The following ADORA2A variants were observed in gnomAD, a reference collection of about 807,000 sequenced individuals.
ADORA2A encodes adenosine receptor A2a.
In ADORA2A, 11 loss-of-function variants were observed where a neutral mutation model predicts 18.4. The observed-to-expected ratio is 0.60, with a 90% CI of 0.38 to 0.99. The LOEUF is 0.99. Among genes scored for constraint, ADORA2A ranks in the 50% least tolerant of loss-of-function variants. The pLI is 0.01. For synonymous variants in ADORA2A, 218 were observed against 237.3 expected (o/e 0.92, Z 0.75); for missense variants, 449 against 556.1 (o/e 0.81, Z 1.94).
At position 24,441,318 on chromosome 22, in the gene ADORA2A, G is replaced by A. The variant is rs1305585014; in HGVS notation, c.1068G>A (p.Arg356=). 1 of 1,606,334 alleles carries A rather than the reference G, an allele frequency of 6.2e-7. No homozygotes were observed. The change falls in exon 3 of 3, where the codon CGG becomes CGA. Residue 356 remains arginine (R), a synonymous_variant. Transcript: ENST00000337539. ...ACGGCAGTGCTCCCCACCCTGAGCG[G>A]AGGCCCAATGGCTATGCCCTGGGGC... The part of the protein sequence containing the change: ...WANGSAPHPE[R]RPNGYALGLV...
At chr22:24,426,222 G>A (rs146017461), upstream of ADORA2A, among the ~76,000 whole-genome samples, 8 of 152,318 alleles carry the variant, frequency 5.3e-5, no homozygotes, top group South Asian at 2.1e-4. Context: ...CCTAATACCC[G>A]AGCCACCTAA....
chr22:24,426,835 G>A (rs988857158), upstream of ADORA2A, among the ~76,000 whole-genome samples: 5 of 152,144 alleles, frequency 3.3e-5, no homozygotes, highest in East Asian at 1.9e-4. Context: ...AGAATCTCTC[G>A]ATACCTCTCT....
At position 24,441,597 on chromosome 22, in the gene ADORA2A, C is replaced by T; in HGVS notation, c.*108C>T. On this transcript the variant is annotated 3_prime_UTR_variant, in exon 3 of 3. Coordinates refer to ENST00000337539, the MANE Select transcript of ADORA2A (RefSeq NM_000675.6). ...AGAGAGTGCCAGGAGACCCTGAGGG[C>T]AGCCGGTTCCTACTTTGGACTGAGA... The T allele has an allele frequency of 1.5e-5, 17 of 1,166,574 alleles. No homozygotes were observed. Among genetic ancestry groups the T allele is most frequent in the Non-Finnish European group, 1.9e-5 (17 of 881,300 alleles). 72.3% of individuals were successfully genotyped at this position (1,166,574 alleles called of 1,614,324 possible). A position where few individuals can be genotyped will look rare whatever the true frequency, so the allele number is the denominator to read the frequency against.
intron 1 of ADORA2A, chr22:24,431,577 G>C (rs538580356): frequency 2.9e-5 from 13 of 440,812 alleles, no homozygotes; most frequent in South Asian, 2.0e-4. Context: ...AAGAGAGAGA[G>C]AGACGAGGTG....
chr22:24,441,178 C>A lies in ADORA2A; in HGVS notation c.928C>A (p.Gln310Lys). ...GATCATTCGCAGCCACGTCCTGAGGCAGCAAGAACCTTTCAAGGCAGCTGG... is the reference window on the plus strand; with the variant it reads ...GATCATTCGCAGCCACGTCCTGAGGAAGCAAGAACCTTTCAAGGCAGCTGG... ...RKIIRSHVLR[Q>K]QEPFKAAGTS... The change falls in exon 3 of 3, where the codon CAG (glutamine) becomes AAG (lysine). Residue 310 changes from glutamine to lysine, a missense_variant. Physicochemically the swap from Gln to Lys is moderately conservative, Grantham distance 53. Coordinates refer to ENST00000337539, the MANE Select transcript of ADORA2A (RefSeq NM_000675.6). 1 of 1,614,206 alleles carries A rather than the reference C, an allele frequency of 6.2e-7. No homozygotes were observed. Among genetic ancestry groups the A allele is most frequent in the Admixed American group, 1.7e-5 (1 of 60,032 alleles).
chr22:24,440,602 G>T lies in ADORA2A; in HGVS notation c.352G>T (p.Gly118Cys). 1 of 1,563,896 alleles carries T rather than the reference G, an allele frequency of 6.4e-7. No individual in the cohort carries two copies. The highest frequency in any genetic ancestry group is 1.8e-5 in the Admixed American group (1 of 55,440). The change falls in exon 3 of 3, where the codon GGC (glycine) becomes TGC (cysteine). Residue 118 changes from glycine to cysteine, a missense_variant. By Grantham distance (159) the Gly-to-Cys change is radical. Coordinates refer to ENST00000337539, the MANE Select transcript of ADORA2A (RefSeq NM_000675.6). ...IPLRYNGLVT[G>C]TRAKGIIAIC... ...CCCCAGGTACAATGGCTTGGTGACC[G>T]GCACGAGGGCTAAGGGCATCATTGC...
At chr22:24,427,963 A>C (rs1379574847) in intron 1 of ADORA2A, among the ~76,000 whole-genome samples, 1 of 152,204 alleles carries the variant, frequency 6.6e-6, no homozygotes, top group Admixed American at 6.5e-5. Flanking sequence ...CACCAGGAGC[A>C]GAGAGCTGCA....
At chr22:24,433,858 C>A in intron 2 of ADORA2A, 122 bp downstream of exon 2, 1 of 1,234,758 alleles carries the variant, frequency 8.1e-7, no homozygotes, top group Non-Finnish European at 1.1e-6. Context: ...GGTGAGCTGG[C>A]GACGGGGCCC....
chr22:24,436,098 T>C (rs2043169587), intron 2 of ADORA2A, among the ~76,000 whole-genome samples: 1 of 152,216 alleles, frequency 6.6e-6, no homozygotes, highest in Admixed American at 6.5e-5. Flanking sequence ...CTGATGTGGA[T>C]GGACTCCAGG....
At position 24,440,911 on chromosome 22, in the gene ADORA2A, G is replaced by A; in HGVS notation, c.661G>A (p.Ala221Thr). 6.2e-7 allele frequency: 1 copy of A among 1,614,154 alleles called. No homozygotes were observed. The highest frequency in any genetic ancestry group is 8.5e-7 in the Non-Finnish European group (1 of 1,180,016). ...MESQPLPGERARSTLQKEVHA... is the reference protein window; with the variant it reads ...MESQPLPGERTRSTLQKEVHA... ...GAGCCAGCCTCTGCCGGGGGAGCGG[G>A]CACGGTCCACACTGCAGAAGGAGGT... is the stretch of plus-strand genomic sequence containing the variant. Residue 221 changes from alanine to threonine, a missense_variant, in exon 3 of 3, where the codon GCA becomes ACA. Physicochemically the swap from Ala to Thr is moderately conservative, Grantham distance 58. Transcript: ENST00000337539.
At position 24,440,621 on chromosome 22, in the gene ADORA2A, TCATTGCCATCTGCTGGGTGC is replaced by T; in HGVS notation, c.372_391del (p.Ile125ValfsTer38). ...GTGACCGGCACGAGGGCTAAGGGCA[TCATTGCCATCTGCTGGGTGC>T]TGTCGTTTGCCATCGGCCTGACTCC... On this transcript the variant is annotated frameshift_variant, in exon 3 of 3. Coordinates refer to ENST00000337539, the MANE Select transcript of ADORA2A (RefSeq NM_000675.6). LOFTEE classifies it high-confidence loss of function. The T allele has an allele frequency of 6.3e-7, 1 of 1,589,768 alleles. No individual in the cohort carries two copies. Among genetic ancestry groups the T allele is most frequent in the East Asian group, 2.2e-5 (1 of 44,602 alleles).
chr22:24,441,578 T>A lies in ADORA2A; in HGVS notation c.*89T>A, dbSNP rs925282192. ...AGTCACGTTGGGAGAAGAGAGAGAG[T>A]GCCAGGAGACCCTGAGGGCAGCCGG... is the stretch of plus-strand genomic sequence containing the variant. On this transcript the variant is annotated 3_prime_UTR_variant, in exon 3 of 3. Coordinates refer to ENST00000337539, the MANE Select transcript of ADORA2A (RefSeq NM_000675.6). 15 of 1,324,906 alleles carry A rather than the reference T, an allele frequency of 1.1e-5. No homozygotes were observed. In the Middle Eastern group the frequency reaches 9.8e-4, roughly 87 times the overall value. 82.1% of individuals were successfully genotyped at this position (1,324,906 alleles called of 1,614,324 possible).
chr22:24,436,688 C>G (rs538864836), intron 2 of ADORA2A, among the ~76,000 whole-genome samples: 4 of 152,318 alleles, frequency 2.6e-5, no homozygotes, highest in African/African-American at 9.6e-5. Flanking sequence ...GGCCAAGGTG[C>G]AGGTGGCAGC....
In ADORA2A at chr22:24,433,112, A is replaced by G. The variant is rs1399608324; in HGVS notation, c.-274-19A>G. The stretch of plus-strand genomic sequence containing the variant: ...CCCTCTGCAGATGGTTCAGCTTCTC[A>G]TCGGCTGTCCCTTTGCAGGTGCCTC... On this transcript the variant is annotated intron_variant, in intron 1 of 2. Coordinates refer to ENST00000337539, the MANE Select transcript of ADORA2A (RefSeq NM_000675.6). 3 of 532,924 alleles carry G rather than the reference A, an allele frequency of 5.6e-6. No individual in the cohort carries two copies. Among genetic ancestry groups the G allele is most frequent in the Non-Finnish European group, 1.0e-5 (3 of 296,226 alleles). The allele number at this position is 532,924 out of a possible 1,614,324, so 33.0% of individuals were successfully genotyped here.
chr22:24,436,620 T>A (rs1484065308), intron 2 of ADORA2A, among the ~76,000 whole-genome samples: 1 of 152,050 alleles, frequency 6.6e-6, no homozygotes, highest in African/African-American at 2.4e-5. Flanking sequence ...TGCCTCACTG[T>A]CCCCTCCCTG....
chr22:24,425,219 C>T (rs1007763280), upstream of ADORA2A, among the ~76,000 whole-genome samples: 1 of 150,804 alleles, frequency 6.6e-6, no homozygotes, highest in Non-Finnish European at 1.5e-5. Context: ...GTGGAGGGTT[C>T]TGTGGAGCAC....
intron 1 of ADORA2A, among the ~76,000 whole-genome samples, chr22:24,428,415 G>C (rs2042952370): frequency 6.6e-6 from 1 of 152,228 alleles, no homozygotes; most frequent in Non-Finnish European, 1.5e-5. Flanking sequence ...CTGTACGTGT[G>C]CCTGAAGCTC....
upstream of ADORA2A, among the ~76,000 whole-genome samples, chr22:24,427,009 C>T (rs1260242173): frequency 1.3e-5 from 2 of 152,196 alleles, no homozygotes; most frequent in African/African-American, 2.4e-5. Context: ...GGATGTGCCG[C>T]TGCAGCCCTG....
At chr22:24,436,188 G>A (rs2043172599) in intron 2 of ADORA2A, among the ~76,000 whole-genome samples, 1 of 152,208 alleles carries the variant, frequency 6.6e-6, no homozygotes, top group Non-Finnish European at 1.5e-5. Flanking sequence ...GCATGTGGAG[G>A]TGTCCATGTG....
Sources: allele counts gnomAD v4.1 joint callset (sites outside exome capture counted in the v4.1 genomes callset), GRCh38; gene constraint gnomAD v4.1.1; transcripts MANE v1.5; gene names NCBI Gene and HGNC (gene_info 2026-07-23, HGNC 2026-07-21).